Variants in UTP20 observed in about 807,000 individuals in gnomAD.
UTP20 encodes the protein UTP20 small subunit processome component.
In UTP20, 164 loss-of-function variants were observed where a neutral mutation model predicts 329.5. The observed-to-expected ratio is 0.50, with a 90% CI of 0.44 to 0.57. The LOEUF (loss-of-function observed/expected upper bound fraction) is 0.57, where lower values mean the gene tolerates loss of function less well. Ranked by LOEUF, UTP20 falls within the 20% of genes least tolerant of loss-of-function variation. The pLI is 0.00. For missense variants in UTP20, 3,055 were observed against 3,284.2 expected (o/e 0.93, Z 1.71); for synonymous variants, 1,151 against 1,159.3 (o/e 0.99, Z 0.14).
rs1869027763 is a variant in UTP20 at position 101,338,887 on chromosome 12, A to G, written c.3943A>G (p.Ile1315Val). ...TCTTCAGTATCTCAGCAAAACCACA[A>G]TAAGCGCAGAAAAGGTGAAAAAGAA... ...AILQYLSKTT[I>V]SAEKVKKKKN... The change falls in exon 31 of 62, where the codon ATA (isoleucine) becomes GTA (valine). Residue 1315 changes from isoleucine (I) to valine (V), a missense_variant. Physicochemically the swap from Ile to Val is conservative, Grantham distance 29. Coordinates refer to ENST00000261637, the MANE Select transcript of UTP20 (RefSeq NM_014503.3). 1.2e-6 allele frequency: 2 copies of G among 1,612,242 alleles called. No individual in the cohort carries two copies. The highest frequency in any genetic ancestry group is 8.5e-7 in the Non-Finnish European group (1 of 1,179,566).
intron 48 of UTP20, 40 bp from the exon 49 acceptor site, chr12:101,369,681 C>T: frequency 9.6e-7 from 1 of 1,039,640 alleles, no homozygotes; most frequent in Non-Finnish European, 1.5e-6. Flanking sequence ...TGGATTCGGT[C>T]ACATCACAAG....
At chr12:101,344,268 C>T (rs1593441172) in intron 35 of UTP20, among the ~76,000 whole-genome samples, 3 of 152,110 alleles carry the variant, frequency 2.0e-5, no homozygotes, top group South Asian at 4.1e-4. Context: ...CAGTAATGAC[C>T]GGATACTGAA....
At chr12:101,328,555 A>G (rs1309292451) in intron 26 of UTP20, among the ~76,000 whole-genome samples, 1 of 152,214 alleles carries the variant, frequency 6.6e-6, no homozygotes, top group Non-Finnish European at 1.5e-5. Context: ...AATGGAAAGT[A>G]AGAAAAGTGT....
Position 101,352,094 on chromosome 12 carries a change from G to A in UTP20, c.4924G>A (p.Ala1642Thr), listed in dbSNP as rs779797414. The change falls in exon 39 of 62, where the codon GCC (alanine) becomes ACC (threonine). Residue 1642 changes from alanine to threonine, a missense_variant. Transcript: ENST00000261637. ...CACTGCTGCCACAGAGATTATTGGAGCCATTTGCAAACATCTCTCTTGGTC... is the reference window on the plus strand; with the variant it reads ...CACTGCTGCCACAGAGATTATTGGAACCATTTGCAAACATCTCTCTTGGTC... ...ITTAATEIIG[A>T]ICKHLSWSAY... 1 of 1,613,830 alleles carries A rather than the reference G, an allele frequency of 6.2e-7. No individual in the cohort carries two copies. Among genetic ancestry groups the A allele is most frequent in the East Asian group, 2.2e-5 (1 of 44,854 alleles).
intron 25 of UTP20, among the ~76,000 whole-genome samples, chr12:101,326,102 G>A (rs1178406124): frequency 6.6e-6 from 1 of 152,128 alleles, no homozygotes; most frequent in Non-Finnish European, 1.5e-5. Flanking sequence ...GTGTAACAGA[G>A]TTCATCAAGT....
intron 43 of UTP20, among the ~76,000 whole-genome samples, chr12:101,361,672 T>TAA (rs757885584): frequency 0.16 from 15,442 of 94,106 alleles, 980 homozygotes; most frequent in Middle Eastern, 0.29. Context: ...AATAAATAAA[T>TAA]AAATAAAGTT....
At chr12:101,358,608 T>C (rs2120989544) in intron 43 of UTP20, among the ~76,000 whole-genome samples, 1 of 152,346 alleles carries the variant, frequency 6.6e-6, no homozygotes, top group East Asian at 1.9e-4. Flanking sequence ...GTCTTCCTTT[T>C]ACCTTCATTC....
Position 101,307,294 on chromosome 12 carries a change from T to TACACACAC in UTP20, c.1995+557_1995+564dup, listed in dbSNP as rs35767250. ...CAAATATTCTTTCAAACTTTTTGAA[T>TACACACAC]ACACACACACACACACACACACACA... On this transcript the variant is annotated intron_variant, in intron 17 of 61. Transcript: ENST00000261637. 4.7e-3 allele frequency among the ~76,000 whole-genome samples: 685 copies of TACACACAC among 146,968 alleles called. 5 individuals are homozygous for TACACACAC. The highest frequency in any genetic ancestry group is 7.1e-3 in the Non-Finnish European group (476 of 66,586).
intron 11 of UTP20, among the ~76,000 whole-genome samples, chr12:101,295,174 A>G (rs1270027747): frequency 6.6e-6 from 1 of 152,084 alleles, no homozygotes; most frequent in Non-Finnish European, 1.5e-5. Context: ...TATTTTTCAT[A>G]ATTTCCTGGG....
rs1391813076 is a variant in UTP20, at chr12:101,344,754, T to C, written c.4605+4T>C. 6.2e-7 allele frequency: 1 copy of C among 1,612,430 alleles called. No individual in the cohort carries two copies. Among genetic ancestry groups the C allele is most frequent in the Admixed American group, 1.7e-5 (1 of 59,658 alleles). ...AGGTCTGAAGAGCCAGACAGAGGTA[T>C]ATAACTTTGTGTTTTAGGCACTACT... On this transcript the variant is annotated splice_donor_region_variant and intron_variant, in intron 36 of 61. Transcript: ENST00000261637.
chr12:101,304,409 A>C (rs530626369), intron 15 of UTP20, among the ~76,000 whole-genome samples: 1 of 152,350 alleles, frequency 6.6e-6, no homozygotes, highest in South Asian at 2.1e-4. Context: ...AATAGTAATA[A>C]ACAATTGCAT....
At chr12:101,347,072 G>A (rs1294228719) in intron 38 of UTP20, among the ~76,000 whole-genome samples, 3 of 152,150 alleles carry the variant, frequency 2.0e-5, no homozygotes, top group Non-Finnish European at 2.9e-5. Context: ...TTTTACAGGA[G>A]AGTAATCTGA....
intron 60 of UTP20, among the ~76,000 whole-genome samples, chr12:101,385,310 T>G (rs942978615): frequency 1.3e-5 from 2 of 152,190 alleles, no homozygotes; most frequent in East Asian, 1.9e-4. Context: ...CTCTGATTTC[T>G]TATTGCATCC....
intron 25 of UTP20, among the ~76,000 whole-genome samples, chr12:101,323,928 G>A (rs1377210551): frequency 6.6e-6 from 1 of 152,024 alleles, no homozygotes; most frequent in East Asian, 1.9e-4. Context: ...CCCGAGGTCA[G>A]GAGTTGGAGA....
chr12:101,365,693 T>C (rs879226368), intron 46 of UTP20, 68 bp downstream of exon 46: 19 of 1,342,200 alleles, frequency 1.4e-5, no homozygotes, highest in Non-Finnish European at 1.9e-5. Context: ...GTGGGTTGTT[T>C]TAATAATTTG....
intron 5 of UTP20, among the ~76,000 whole-genome samples, chr12:101,287,160 G>A (rs533374882): frequency 6.6e-6 from 1 of 152,252 alleles, no homozygotes; most frequent in East Asian, 1.9e-4. Flanking sequence ...TCAGTCATCA[G>A]CCCCTTACCC....
At position 101,320,862 on chromosome 12, in the gene UTP20, A is replaced by C; in HGVS notation, c.2840A>C (p.His947Pro). Residue 947 changes from histidine (H) to proline (P), a missense_variant, in exon 24 of 62, where the codon CAC becomes CCC. His to Pro is a moderately conservative substitution (Grantham distance 77, BLOSUM62 -2). Around this residue, in one of 3 missense-constraint regions of UTP20, gnomAD observed 2,445 missense variants for 2,575.5 expected, o/e 0.95. Coordinates refer to ENST00000261637, the MANE Select transcript of UTP20 (RefSeq NM_014503.3). ...LYELYLQLLL[H>P]QDQMVQKITL... ...AAATACTGTTCTTAGTTGTTGCTAC[A>C]CCAAGATCAAATGGTGCAAAAAATA... 6.2e-7 allele frequency: 1 copy of C among 1,611,336 alleles called. No homozygotes were observed. The highest frequency in any genetic ancestry group is 2.2e-5 in the East Asian group (1 of 44,760).
At chr12:101,301,352 C>A (rs1872517967) in intron 14 of UTP20, among the ~76,000 whole-genome samples, 1 of 151,630 alleles carries the variant, frequency 6.6e-6, no homozygotes, top group Non-Finnish European at 1.5e-5. Flanking sequence ...AGAGCCCCCC[C>A]CGCCCAACTC....
chr12:101,290,070 G>C (rs1467583957), intron 6 of UTP20, 67 bp from the exon 7 acceptor site: 1 of 1,223,714 alleles, frequency 8.2e-7, no homozygotes, highest in African/African-American at 1.6e-5. Context: ...AATAGCAAAT[G>C]AGAGTTCTTC....
Sources: allele counts gnomAD v4.1 joint callset (sites outside exome capture counted in the v4.1 genomes callset), GRCh38; gene constraint gnomAD v4.1.1; regional missense constraint gnomAD v4.1.1; transcripts MANE v1.5; gene names NCBI Gene and HGNC (gene_info 2026-07-23, HGNC 2026-07-21).